MALRD1: variants seen among roughly 807,000 people sequenced by gnomAD.
MALRD1 encodes the protein MAM and LDL-receptor class A domain-containing protein 1.
MALRD1 carries 247 observed loss-of-function variants against 242.1 expected under a neutral mutation model. That is an observed-to-expected ratio of 1.02 (90% CI 0.92 to 1.13). The LOEUF (loss-of-function observed/expected upper bound fraction) is 1.13, where lower values mean the gene tolerates loss of function less well. Ranked by LOEUF, MALRD1 falls within the 50% of genes most tolerant of loss-of-function variation. The pLI is 0.00. For synonymous variants in MALRD1, 995 were observed against 866.6 expected (o/e 1.15, Z -2.60); for missense variants, 2,989 against 2,533.1 (o/e 1.18, Z -3.86).
intron 28 of MALRD1, among the ~76,000 whole-genome samples, chr10:19,423,390 T>C (rs912565261): frequency 1.8e-4 from 27 of 152,082 alleles, no homozygotes; most frequent in African/African-American, 5.8e-4. Context: ...AAGCTTATTA[T>C]TAAATAAATA....
chr10:19,180,874 A>T (rs1335616471), intron 14 of MALRD1, among the ~76,000 whole-genome samples: 1 of 152,234 alleles, frequency 6.6e-6, no homozygotes, highest in Non-Finnish European at 1.5e-5. Flanking sequence ...TCAGAAATAG[A>T]TAAATAGATA....
chr10:19,393,751 G>A (rs184685996), intron 28 of MALRD1, among the ~76,000 whole-genome samples: 18 of 151,952 alleles, frequency 1.2e-4, no homozygotes, highest in South Asian at 8.3e-4. Context: ...CACCGCGCCC[G>A]GCCCTGATGG....
chr10:19,250,411 A>C (rs572422140), intron 18 of MALRD1, among the ~76,000 whole-genome samples: 16 of 151,966 alleles, frequency 1.1e-4, no homozygotes, highest in Admixed American at 2.0e-4. Context: ...CTCCTCATTC[A>C]CATAATATAT....
intron 38 of MALRD1, among the ~76,000 whole-genome samples, chr10:19,698,562 A>C (rs955374676): frequency 4.6e-5 from 7 of 152,162 alleles, no homozygotes; most frequent in Non-Finnish European, 7.4e-5. Context: ...TTTGGTGAGA[A>C]GTTTTTCCTC....
At chr10:19,240,587 T>C (rs981107709) in intron 18 of MALRD1, among the ~76,000 whole-genome samples, 3 of 152,084 alleles carry the variant, frequency 2.0e-5, no homozygotes, top group Non-Finnish European at 4.4e-5. Context: ...GCTCTGGCTC[T>C]GACCTCCAGT....
At chr10:19,408,481 T>C (rs999553536) in intron 28 of MALRD1, among the ~76,000 whole-genome samples, 3 of 152,198 alleles carry the variant, frequency 2.0e-5, no homozygotes, top group African/African-American at 7.2e-5. Context: ...AGGAGTCATA[T>C]ATTCTATCCT....
chr10:19,255,029 A>G (rs113690599), intron 18 of MALRD1, among the ~76,000 whole-genome samples: 1,537 of 152,074 alleles, frequency 0.01, 22 homozygotes, highest in African/African-American at 0.035. Context: ...GAGCCCCATT[A>G]ATGTTTAAGC....
At chr10:19,163,554 A>G (rs2358343) in intron 12 of MALRD1, among the ~76,000 whole-genome samples, 107,498 of 151,724 alleles carry the variant, frequency 0.71, 38,244 homozygotes, top group South Asian at 0.84. Flanking sequence ...ATTGGGTACA[A>G]TGCTTAGTGC....
intron 11 of MALRD1, among the ~76,000 whole-genome samples, chr10:19,152,352 C>A (rs1833972063): frequency 6.6e-6 from 1 of 152,162 alleles, no homozygotes; most frequent in Non-Finnish European, 1.5e-5. Context: ...AATTTTAACA[C>A]AATATTGTCA....
At position 19,327,605 on chromosome 10, in the gene MALRD1, C is replaced by G. The variant is rs750223697; in HGVS notation, c.3619C>G (p.Gln1207Glu). The change falls in exon 23 of 40, where the codon CAA becomes GAA. Residue 1207 changes from glutamine (Q) to glutamate (E), a missense_variant. Transcript: ENST00000454679. ...KDNVTSKLWAQTGQQGAQWKR... is the reference protein window; with the variant it reads ...KDNVTSKLWAETGQQGAQWKR... ...TAACGTTACTTCTAAATTGTGGGCT[C>G]AAACTGGACAGCAAGGTGCACAGTG... The G allele has an allele frequency of 6.5e-6, 10 of 1,549,822 alleles. No individual in the cohort carries two copies. In the South Asian group the frequency reaches 1.1e-4, roughly 17 times the overall value.
At chr10:19,578,365 A>G (rs1589259697) in intron 33 of MALRD1, among the ~76,000 whole-genome samples, 1 of 152,180 alleles carries the variant, frequency 6.6e-6, no homozygotes, top group South Asian at 2.1e-4. Flanking sequence ...TCACCAATGT[A>G]AAGTTGCTCA....
At position 19,595,461 on chromosome 10, in the gene MALRD1, A is replaced by C; in HGVS notation, c.5944+4A>C. ...AATGAAGATGAGCTCATCTGCTGTGAGTTATTTTCACTAACTCAATGTGTA... is the reference window on the plus strand; with the variant it reads ...AATGAAGATGAGCTCATCTGCTGTGCGTTATTTTCACTAACTCAATGTGTA... On this transcript the variant is annotated splice_donor_region_variant and intron_variant, in intron 34 of 39. Coordinates refer to ENST00000454679, the MANE Select transcript of MALRD1 (RefSeq NM_001142308.3). 1.3e-6 allele frequency: 2 copies of C among 1,546,294 alleles called. No individual in the cohort carries two copies. Among genetic ancestry groups the C allele is most frequent in the South Asian group, 2.4e-5 (2 of 83,766 alleles).
chr10:19,425,611 C>T (rs892534221), intron 28 of MALRD1, among the ~76,000 whole-genome samples: 5 of 152,046 alleles, frequency 3.3e-5, no homozygotes, highest in Non-Finnish European at 5.9e-5. Context: ...AAGGGCAGAG[C>T]GAAGTGAGGG....
chr10:19,136,521 T>A, intron 9 of MALRD1, 53 bp from the exon 10 acceptor site: 1 of 1,051,098 alleles, frequency 9.5e-7, no homozygotes, highest in Non-Finnish European at 1.2e-6. Context: ...CTTTAGTTTT[T>A]TGTCTTATTA....
At chr10:19,349,581 G>A (rs1564583915) in intron 25 of MALRD1, among the ~76,000 whole-genome samples, 1 of 152,114 alleles carries the variant, frequency 6.6e-6, no homozygotes, top group Non-Finnish European at 1.5e-5. Flanking sequence ...GGCAAAAATT[G>A]AGTTTTTATC....
At position 19,062,912 on chromosome 10, in the gene MALRD1, G is replaced by A. The variant is rs774985952; in HGVS notation, c.200-3807G>A. On this transcript the variant is annotated intron_variant, in intron 1 of 39. Coordinates refer to ENST00000454679, the MANE Select transcript of MALRD1 (RefSeq NM_001142308.3). ...TGTAATTCCAACACTTTGGGAGGCC[G>A]AGGCTGGTGGAATGCTTGAACCCAG... 1.6e-4 allele frequency among the ~76,000 whole-genome samples: 25 copies of A among 152,250 alleles called. No homozygotes were observed. In the East Asian group the frequency reaches 3.7e-3, roughly 22 times the overall value.
chr10:19,067,318 G>A (rs1322802553), intron 2 of MALRD1, among the ~76,000 whole-genome samples: 1 of 152,080 alleles, frequency 6.6e-6, no homozygotes, highest in East Asian at 1.9e-4. Context: ...AGACTTTGAG[G>A]TAGCTCTGGA....
intron 35 of MALRD1, among the ~76,000 whole-genome samples, chr10:19,611,773 C>T (rs1838910610): frequency 1.3e-5 from 2 of 152,042 alleles, no homozygotes; most frequent in Middle Eastern, 3.4e-3. Flanking sequence ...ATACTTTGTG[C>T]CGTGTCTTTC....
Position 19,692,438 on chromosome 10 carries a change from T to C in MALRD1, c.6218-20T>C, listed in dbSNP as rs1166473607. 6.5e-7 allele frequency: 1 copy of C among 1,533,782 alleles called. No homozygotes were observed. The highest frequency in any genetic ancestry group is 2.0e-5 in the Admixed American group (1 of 50,872). ...ATATTTCACTGCATATTTATCTTTT[T>C]CTTTGGTTTAAAATTCCAGATACAT... On this transcript the variant is annotated intron_variant, in intron 37 of 39. Coordinates refer to ENST00000454679, the MANE Select transcript of MALRD1 (RefSeq NM_001142308.3).
Sources: gnomAD v4.1 joint callset for allele counts (sites outside exome capture counted in the v4.1 genomes callset) on GRCh38, gnomAD v4.1.1 for gene constraint, MANE v1.5 for transcripts, NCBI Gene and HGNC (gene_info 2026-07-23, HGNC 2026-07-21) for gene names.